The following MTUS2 variants were observed in gnomAD, a reference collection of about 807,000 sequenced individuals.
The protein encoded by MTUS2 is microtubule-associated tumor suppressor candidate 2.
In MTUS2, 40 loss-of-function variants were observed where a neutral mutation model predicts 114.1. That is an observed-to-expected ratio of 0.35 (90% CI 0.27 to 0.46). The LOEUF (loss-of-function observed/expected upper bound fraction) is 0.46. Among genes scored for constraint, MTUS2 ranks in the 20% least tolerant of loss-of-function variants. The pLI, the probability that MTUS2 is intolerant of heterozygous loss-of-function variation, is 1.00. For synonymous variants in MTUS2, 688 were observed against 672.0 expected, an observed-to-expected ratio of 1.02 and a Z score of -0.37; for missense variants, 1,679 against 1,705.4, an observed-to-expected ratio of 0.98 and a Z score of 0.27.
chr13:29,340,368 T>A (rs1901331654), intron 7 of MTUS2, among the ~76,000 whole-genome samples: 1 of 152,248 alleles, frequency 6.6e-6, no homozygotes. Context: ...GTGCTGTTTT[T>A]GATCAGTGTG....
chr13:29,071,074 G>T (rs1593444566), intron 4 of MTUS2, among the ~76,000 whole-genome samples: 1 of 54,286 alleles, frequency 1.8e-5, no homozygotes, highest in South Asian at 9.8e-4. Context: ...GTGCTATCTC[G>T]GTTCACTGCA....
In MTUS2 at chr13:29,124,325, A is replaced by G. The variant is rs890759354; in HGVS notation, c.2644+23355A>G. ...GTAATTTAATTGAATGTAAATTATT[A>G]CAATATAGTATAATACTTAAAGAAG... On this transcript the variant is annotated intron_variant, in intron 5 of 15. Coordinates refer to ENST00000612955, the MANE Select transcript of MTUS2 (RefSeq NM_001033602.4). Among the ~76,000 whole-genome samples the G allele has an allele frequency of 2.6e-4, 40 of 152,224 alleles. 1 individual carries two copies. Among genetic ancestry groups the G allele is most frequent in the African/African-American group, 9.6e-4 (40 of 41,462 alleles).
chr13:29,090,180 G>A (rs945637559), intron 4 of MTUS2, among the ~76,000 whole-genome samples: 19 of 152,152 alleles, frequency 1.2e-4, no homozygotes, highest in African/African-American at 4.6e-4. Context: ...TTTGTTTCTG[G>A]ATGCTTTCAG....
At chr13:29,329,091 G>A (rs111232280) in intron 7 of MTUS2, among the ~76,000 whole-genome samples, 11,584 of 152,158 alleles carry the variant, frequency 0.076, 1,405 homozygotes, top group African/African-American at 0.26. Context: ...ATATTTGTAA[G>A]TGGTAGATAA....
chr13:29,387,963 T>A (rs1053722060), intron 8 of MTUS2, among the ~76,000 whole-genome samples: 1 of 152,158 alleles, frequency 6.6e-6, no homozygotes, highest in Non-Finnish European at 1.5e-5. Flanking sequence ...ATATACACAA[T>A]TGGGCCATCG....
chr13:29,241,481 ACT>A (rs1045147526), intron 5 of MTUS2, among the ~76,000 whole-genome samples: 4 of 151,580 alleles, frequency 2.6e-5, no homozygotes, highest in African/African-American at 7.3e-5. Flanking sequence ...CACTATACTG[ACT>A]CTCTCATCCT....
intron 8 of MTUS2, among the ~76,000 whole-genome samples, chr13:29,413,084 G>A (rs1011649117): frequency 6.6e-6 from 1 of 152,080 alleles, no homozygotes; most frequent in African/African-American, 2.4e-5. Flanking sequence ...GATAATCCAG[G>A]ATAATCTCCC....
intron 4 of MTUS2, among the ~76,000 whole-genome samples, chr13:29,094,707 C>A (rs1490884256): frequency 6.6e-6 from 1 of 151,720 alleles, no homozygotes; most frequent in Non-Finnish European, 1.5e-5. Context: ...TTTATTATTT[C>A]TTTTCTTCTT....
intron 2 of MTUS2, among the ~76,000 whole-genome samples, chr13:28,970,400 G>A (rs1463737375): frequency 6.6e-6 from 1 of 152,138 alleles, no homozygotes; most frequent in Non-Finnish European, 1.5e-5. Context: ...CATCTGTCCT[G>A]CCACCTGTAT....
chr13:28,944,677 T>C lies in MTUS2; in HGVS notation c.-242-79780T>C, dbSNP rs2138147005. The stretch of plus-strand genomic sequence containing the variant: ...AAAACTTGTGATGACTTAGTTCCTC[T>C]TTTTATATTTGAAAATTGGAACTCA... On this transcript the variant is annotated intron_variant, in intron 2 of 15. Transcript: ENST00000612955. 2.0e-5 allele frequency among the ~76,000 whole-genome samples: 3 copies of C among 152,356 alleles called. No individual in the cohort carries two copies. In the South Asian group the frequency reaches 6.2e-4, roughly 32 times the overall value.
intron 5 of MTUS2, among the ~76,000 whole-genome samples, chr13:29,131,050 A>C (rs1891741242): frequency 6.6e-6 from 1 of 152,208 alleles, no homozygotes; most frequent in Non-Finnish European, 1.5e-5. Context: ...GGCACTCAGG[A>C]GGTCCTCACA....
At chr13:29,229,579 C>T (rs1471180700) in intron 5 of MTUS2, among the ~76,000 whole-genome samples, 2 of 152,190 alleles carry the variant, frequency 1.3e-5, no homozygotes, top group Non-Finnish European at 2.9e-5. Flanking sequence ...GACTCGGTCT[C>T]AATTTACCAT....
chr13:29,075,263 C>T (rs1170862754), intron 4 of MTUS2, among the ~76,000 whole-genome samples: 1 of 152,184 alleles, frequency 6.6e-6, no homozygotes, highest in Non-Finnish European at 1.5e-5. Context: ...ACAGGGTTCA[C>T]TATCCCAGAG....
chr13:29,292,800 A>C (rs1255389395), intron 6 of MTUS2, among the ~76,000 whole-genome samples: 1 of 152,140 alleles, frequency 6.6e-6, no homozygotes, highest in Non-Finnish European at 1.5e-5. Flanking sequence ...TAAAAATCTG[A>C]GTAATAGAAG....
chr13:29,001,499 A>G (rs74045504), intron 2 of MTUS2, among the ~76,000 whole-genome samples: 2,685 of 152,300 alleles, frequency 0.018, 80 homozygotes, highest in African/African-American at 0.061. Context: ...AAATGGAAGG[A>G]TGAGCTTGAC....
intron 5 of MTUS2, among the ~76,000 whole-genome samples, chr13:29,175,399 G>A (rs574053526): frequency 3.9e-5 from 6 of 152,244 alleles, no homozygotes; most frequent in East Asian, 1.9e-4. Context: ...CATCTGAAGC[G>A]TTCATAGGCA....
intron 9 of MTUS2, among the ~76,000 whole-genome samples, chr13:29,449,017 G>A (rs1593455861): frequency 6.6e-6 from 1 of 152,014 alleles, no homozygotes; most frequent in East Asian, 1.9e-4. Flanking sequence ...GCCTCCCAAA[G>A]TGTTGGGATT....
intron 2 of MTUS2, among the ~76,000 whole-genome samples, chr13:29,006,964 C>G (rs887471529): frequency 3.3e-5 from 5 of 152,314 alleles, no homozygotes. Flanking sequence ...TCTCTGAACA[C>G]ACAAGAAATA....
intron 5 of MTUS2, among the ~76,000 whole-genome samples, chr13:29,188,002 C>G (rs2043785206): frequency 6.6e-6 from 1 of 152,164 alleles, no homozygotes; most frequent in South Asian, 2.1e-4. Flanking sequence ...GCTACCAGGA[C>G]CTTGGCTCCT....
Sources: allele counts gnomAD v4.1 joint callset (sites outside exome capture counted in the v4.1 genomes callset), GRCh38; gene constraint gnomAD v4.1.1; transcripts MANE v1.5; gene names NCBI Gene and HGNC (gene_info 2026-07-23, HGNC 2026-07-21).